Variants in DAAM2 observed in about 807,000 individuals in gnomAD.
DAAM2 encodes the protein dishevelled associated activator of morphogenesis 2.
In DAAM2, 39 loss-of-function variants were observed where a neutral mutation model predicts 120.7. The observed-to-expected ratio is 0.32, with a 90% CI of 0.25 to 0.42. The LOEUF is 0.42. Among genes scored for constraint, DAAM2 ranks in the 10% least tolerant of loss-of-function variants. The pLI, the probability that DAAM2 is intolerant of heterozygous loss-of-function variation, is 1.00. For missense variants in DAAM2, 1,283 were observed against 1,401.7 expected (o/e 0.92, Z 1.35); for synonymous variants, 488 against 524.9 (o/e 0.93, Z 0.96).
intron 1 of DAAM2, among the ~76,000 whole-genome samples, chr6:39,833,920 G>T (rs905727617): frequency 6.6e-6 from 1 of 152,204 alleles, no homozygotes; most frequent in Admixed American, 6.5e-5. Flanking sequence ...CTACCTTGGG[G>T]TTAGGTCCTG....
intron 1 of DAAM2, among the ~76,000 whole-genome samples, chr6:39,796,522 T>G (rs1172715687): frequency 6.6e-6 from 1 of 151,754 alleles, no homozygotes; most frequent in African/African-American, 2.4e-5. Flanking sequence ...TAAGTGCCTG[T>G]TCTTGGAACC....
At chr6:39,843,520 C>T (rs188762212) in intron 1 of DAAM2, among the ~76,000 whole-genome samples, 91 of 152,348 alleles carry the variant, frequency 6.0e-4, no homozygotes, top group African/African-American at 1.6e-3. Context: ...AGGCTGCCTG[C>T]GCTGGCTGCT....
Position 39,796,646 on chromosome 6 carries a change from TAA to T in DAAM2, c.-57+4190_-57+4191del, listed in dbSNP as rs66966923. Among the ~76,000 whole-genome samples, 82 of 136,728 alleles carry T rather than the reference TAA, an allele frequency of 6.0e-4. 1 individual carries two copies. The highest frequency in any genetic ancestry group is 2.9e-4 in the Non-Finnish European group (19 of 65,620). 89.7% of individuals were successfully genotyped at this position (136,728 alleles called of 152,430 possible). ...AAAAAAAAAAAAAAAAAAAAACCTG[TAA>T]AAAAAAAATGAACTTTAGGCAGTTT... is the stretch of plus-strand genomic sequence containing the variant. On this transcript the variant is annotated intron_variant, in intron 1 of 24. Transcript: ENST00000274867.
Position 39,878,284 on chromosome 6 carries a change from G to T in DAAM2, c.1360+23G>T. The T allele has an allele frequency of 5.0e-6, 8 of 1,613,668 alleles. No homozygotes were observed. The highest frequency in any genetic ancestry group is 6.8e-6 in the Non-Finnish European group (8 of 1,179,694). ...AAGGTGAGGGGCTCTGCTTAAGCCT[G>T]CTGTCCACTCCACATGCCCTTCCCC... On this transcript the variant is annotated intron_variant, in intron 12 of 24. Transcript: ENST00000274867. This position sits in a 1 kb window ranked among gnomAD's most constrained non-coding sequence, Gnocchi z 5.0.
intron 1 of DAAM2, among the ~76,000 whole-genome samples, chr6:39,826,516 G>A (rs1310004692): frequency 6.6e-6 from 1 of 152,108 alleles, no homozygotes; most frequent in Non-Finnish European, 1.5e-5. Flanking sequence ...ATCCTCAGGT[G>A]ATCGGTTGTG....
intron 1 of DAAM2, among the ~76,000 whole-genome samples, chr6:39,809,143 C>A (rs1209628164): frequency 6.6e-6 from 1 of 152,140 alleles, no homozygotes; most frequent in East Asian, 1.9e-4. Context: ...GATGTGAGAG[C>A]AAGGAGTGGT....
At chr6:39,797,750 CTT>C (rs1379293567) in intron 1 of DAAM2, among the ~76,000 whole-genome samples, 1 of 152,214 alleles carries the variant, frequency 6.6e-6, no homozygotes, top group Non-Finnish European at 1.5e-5. Flanking sequence ...ACAGCCAAGA[CTT>C]TGCTAGGATT....
At chr6:39,842,606 C>A (rs1022048227) in intron 1 of DAAM2, among the ~76,000 whole-genome samples, 1 of 151,792 alleles carries the variant, frequency 6.6e-6, no homozygotes, top group Admixed American at 6.6e-5. Context: ...GTACTCCAGC[C>A]GGGGCAACAG....
At chr6:39,880,745 A>G (rs578142447) in intron 14 of DAAM2, among the ~76,000 whole-genome samples, 36 of 152,294 alleles carry the variant, frequency 2.4e-4, no homozygotes, top group Admixed American at 2.3e-3. Flanking sequence ...AACACAGTCC[A>G]TTTGTAGTTT....
chr6:39,836,489 C>T (rs1181837482), intron 1 of DAAM2, among the ~76,000 whole-genome samples: 1 of 152,162 alleles, frequency 6.6e-6, no homozygotes, highest in East Asian at 1.9e-4. Context: ...AGACACTGAG[C>T]CCATGACAGG....
chr6:39,878,171 T>C lies in DAAM2; in HGVS notation c.1302-32T>C. ...GAAGCTGTGAATCAATGGTCAACAA[T>C]CACATTGCCCCTTCCCTCTATGCCC... On this transcript the variant is annotated intron_variant, in intron 11 of 24. Coordinates refer to ENST00000274867, the MANE Select transcript of DAAM2 (RefSeq NM_001201427.2). This position sits in a 1 kb window ranked among gnomAD's most constrained non-coding sequence, Gnocchi z 5.0. 1 of 1,611,456 alleles carries C rather than the reference T, an allele frequency of 6.2e-7. No individual in the cohort carries two copies. The highest frequency in any genetic ancestry group is 8.5e-7 in the Non-Finnish European group (1 of 1,178,326).
chr6:39,889,392 G>A (rs1003690956), intron 17 of DAAM2, among the ~76,000 whole-genome samples: 1 of 152,194 alleles, frequency 6.6e-6, no homozygotes, highest in Non-Finnish European at 1.5e-5. Context: ...ACCCACTAGA[G>A]TAGCTAAAAT....
At chr6:39,830,948 G>A (rs533923575) in intron 1 of DAAM2, among the ~76,000 whole-genome samples, 3 of 152,306 alleles carry the variant, frequency 2.0e-5, no homozygotes, top group African/African-American at 7.2e-5. Flanking sequence ...ATGTACCAAG[G>A]ACCGGAGTGG....
At chr6:39,798,445 C>G (rs1429123261) in intron 1 of DAAM2, among the ~76,000 whole-genome samples, 1 of 152,134 alleles carries the variant, frequency 6.6e-6, no homozygotes, top group Non-Finnish European at 1.5e-5. Flanking sequence ...AAATCTAAAT[C>G]CAGTATCACA....
chr6:39,839,130 C>G (rs1452329506), intron 1 of DAAM2, among the ~76,000 whole-genome samples: 2 of 151,518 alleles, frequency 1.3e-5, no homozygotes, highest in Admixed American at 6.6e-5. Flanking sequence ...TTTTAAATGC[C>G]CCGTGATTCT....
intron 1 of DAAM2, among the ~76,000 whole-genome samples, chr6:39,825,447 G>A (rs1161050266): frequency 1.7e-4 from 20 of 116,508 alleles, no homozygotes; most frequent in Non-Finnish European, 3.5e-5. Context: ...CGGGGGGTTG[G>A]TGGGGGGCCT....
chr6:39,891,797 TA>T, intron 19 of DAAM2, 75 bp downstream of exon 19: 1 of 1,204,084 alleles, frequency 8.3e-7, no homozygotes, highest in Admixed American at 2.1e-5. Flanking sequence ...AGCCAGTGAA[TA>T]GGGGCAGAGG....
chr6:39,878,599 ATC>A lies in DAAM2; in HGVS notation c.1545+14_1545+15del. 1 of 1,596,278 alleles carries A rather than the reference ATC, an allele frequency of 6.3e-7. No homozygotes were observed. The highest frequency in any genetic ancestry group is 8.5e-7 in the Non-Finnish European group (1 of 1,172,088). ...CTCAGTGAACTCTCAGTATGCAAGC[ATC>A]TCCCCCTTTACATAGTTGAGCCAAG... On this transcript the variant is annotated intron_variant, in intron 13 of 24. Transcript: ENST00000274867. The surrounding 1 kb of genome is among the most constrained non-coding windows in gnomAD (Gnocchi z 5.0).
chr6:39,883,811 T>C, intron 14 of DAAM2, 151 bp from the exon 15 acceptor site: 1 of 627,346 alleles, frequency 1.6e-6, no homozygotes. Flanking sequence ...AGTTGGAGGT[T>C]GAGGGGAGCA....
Sources: allele counts gnomAD v4.1 joint callset (sites outside exome capture counted in the v4.1 genomes callset), GRCh38; gene constraint gnomAD v4.1.1; non-coding constraint Gnocchi (gnomAD v3.1); transcripts MANE v1.5; gene names NCBI Gene and HGNC (gene_info 2026-07-23, HGNC 2026-07-21).